The following CLPX variants were observed in gnomAD, a reference collection of about 807,000 sequenced individuals.
CLPX encodes the protein caseinolytic mitochondrial matrix peptidase chaperone subunit X.
In CLPX, 34 loss-of-function variants were observed where a neutral mutation model predicts 76.4. The observed-to-expected ratio is 0.45, with a 90% CI of 0.34 to 0.59. The LOEUF (loss-of-function observed/expected upper bound fraction) is 0.59. Ranked by LOEUF, CLPX falls within the 20% of genes least tolerant of loss-of-function variation. The pLI is 0.01. For synonymous variants in CLPX, 248 were observed against 270.9 expected (o/e 0.92, Z 0.83); for missense variants, 613 against 757.0 (o/e 0.81, Z 2.23).
At chr15:65,183,668 G>A (rs1023593314) in intron 1 of CLPX, among the ~76,000 whole-genome samples, 1 of 151,972 alleles carries the variant, frequency 6.6e-6, no homozygotes, top group Non-Finnish European at 1.5e-5. Flanking sequence ...AAATGTTCAC[G>A]GACTCTTGGC....
In CLPX at chr15:65,179,063, G is replaced by A. The variant is rs534843453; in HGVS notation, c.241-12C>T. The A allele has an allele frequency of 1.9e-6, 3 of 1,542,526 alleles. No individual in the cohort carries two copies. Among genetic ancestry groups the A allele is most frequent in the South Asian group, 2.3e-5 (2 of 88,000 alleles). ...TCACTTGCTGATTTCTAACGTTTAT[G>A]AAGGAGAAAAAAGGAAGAGTGTCAA... On this transcript the variant is annotated splice_polypyrimidine_tract_variant and intron_variant, in intron 2 of 13. Coordinates refer to ENST00000300107, the MANE Select transcript of CLPX (RefSeq NM_006660.5).
intron 12 of CLPX, 94 bp downstream of exon 12, chr15:65,153,453 A>G: frequency 2.6e-6 from 2 of 780,578 alleles, no homozygotes; most frequent in Non-Finnish European, 4.3e-6. Flanking sequence ...CTCAAAATAT[A>G]TATACATATT....
At chr15:65,151,989 G>T (rs2087726803) in intron 13 of CLPX, among the ~76,000 whole-genome samples, 1 of 152,086 alleles carries the variant, frequency 6.6e-6, no homozygotes. Context: ...GAGTGCAGTG[G>T]TGCGATCTTG....
chr15:65,158,318 G>C (rs964017580), intron 7 of CLPX: 1 of 375,792 alleles, frequency 2.7e-6, no homozygotes, highest in Non-Finnish European at 4.7e-6. Flanking sequence ...CACTACATCC[G>C]ATCTATTATT....
intron 3 of CLPX, among the ~76,000 whole-genome samples, chr15:65,167,107 T>C (rs1475492260): frequency 6.6e-6 from 1 of 152,212 alleles, no homozygotes; most frequent in East Asian, 1.9e-4. Context: ...AGTCTCGCTC[T>C]GTTGCCAGGC....
chr15:65,168,306 C>T (rs1329701937), intron 3 of CLPX, among the ~76,000 whole-genome samples: 1 of 127,930 alleles, frequency 7.8e-6, no homozygotes, highest in Non-Finnish European at 1.6e-5. Flanking sequence ...ATGGTATGAA[C>T]CCGGGAGGTG....
intron 7 of CLPX, chr15:65,158,334 G>C (rs2087815404): frequency 7.2e-6 from 3 of 418,068 alleles, no homozygotes; most frequent in Non-Finnish European, 1.3e-5. Context: ...TTATTATTTA[G>C]ATATAGCTGT....
At chr15:65,155,931 A>AATGGGGATTAC (rs2087784614) in intron 9 of CLPX, 75 bp from the exon 10 acceptor site, 1 of 1,281,114 alleles carries the variant, frequency 7.8e-7, no homozygotes, top group Admixed American at 2.1e-5. Context: ...AATAGGATTA[A>AATGGGGATTAC]ATGGGGAAAA....
In CLPX at chr15:65,185,307, C is replaced by G; in HGVS notation, c.-154G>C. On this transcript the variant is annotated 5_prime_UTR_variant, in exon 1 of 14. Transcript: ENST00000300107. ...CACCTGCCCGGCAGCCAGGCCTTCACGCTTCTCTGCCCCACAGCCGTCTAT... is the reference window on the plus strand; with the variant it reads ...CACCTGCCCGGCAGCCAGGCCTTCAGGCTTCTCTGCCCCACAGCCGTCTAT... 1 of 612,960 alleles carries G rather than the reference C, an allele frequency of 1.6e-6. No individual in the cohort carries two copies. Among genetic ancestry groups the G allele is most frequent in the Non-Finnish European group, 2.9e-6 (1 of 345,830 alleles). The allele number at this position is 612,960 out of a possible 1,614,324, so 38.0% of individuals were successfully genotyped here. A position where few individuals can be genotyped will look rare whatever the true frequency, so the allele number is the denominator to read the frequency against.
chr15:65,185,282 C>T lies in CLPX; in HGVS notation c.-129G>A, dbSNP rs2088244642. 1.4e-6 allele frequency: 1 copy of T among 701,994 alleles called. No homozygotes were observed. The highest frequency in any genetic ancestry group is 2.8e-5 in the East Asian group (1 of 35,566). The allele number at this position is 701,994 out of a possible 1,614,324, so 43.5% of individuals were successfully genotyped here. A position where few individuals can be genotyped will look rare whatever the true frequency, so the allele number is the denominator to read the frequency against. Reference sequence around the variant, plus strand: ...CGGGCCCTAGACCCCGTGGAGAGTTCACCTGCCCGGCAGCCAGGCCTTCAC... The same window carrying T: ...CGGGCCCTAGACCCCGTGGAGAGTTTACCTGCCCGGCAGCCAGGCCTTCAC... On this transcript the variant is annotated 5_prime_UTR_variant, in exon 1 of 14. Transcript: ENST00000300107.
intron 6 of CLPX, among the ~76,000 whole-genome samples, chr15:65,161,865 G>A (rs1453630496): frequency 1.4e-5 from 2 of 140,662 alleles, no homozygotes; most frequent in African/African-American, 3.3e-5. Flanking sequence ...TTTATTACAT[G>A]TGATAAATGT....
intron 3 of CLPX, among the ~76,000 whole-genome samples, chr15:65,172,220 T>C (rs1440639327): frequency 6.6e-6 from 1 of 152,098 alleles, no homozygotes; most frequent in Admixed American, 6.6e-5. Flanking sequence ...GCCTTGGCCT[T>C]CCAAACGGCT....
intron 5 of CLPX, 138 bp from the exon 6 acceptor site, chr15:65,162,783 T>A: frequency 3.6e-6 from 2 of 560,684 alleles, no homozygotes; most frequent in South Asian, 2.4e-5. Context: ...ATATGCTATA[T>A]CTTTTCTATA....
At chr15:65,158,549 G>C (rs768733311) in intron 7 of CLPX, 26 bp downstream of exon 7, 2 of 1,580,250 alleles carry the variant, frequency 1.3e-6, no homozygotes, top group East Asian at 2.2e-5. Flanking sequence ...AAAATGAGTA[G>C]TAAATTTTCT....
chr15:65,151,612 CTT>C (rs1412308253), intron 13 of CLPX, among the ~76,000 whole-genome samples: 5 of 152,100 alleles, frequency 3.3e-5, no homozygotes, highest in Non-Finnish European at 7.4e-5. Context: ...TCACATCCGT[CTT>C]GTCTCGAACT....
rs563470181 is a variant in CLPX at position 65,148,894 on chromosome 15, A to C, written c.*1929T>G. On this transcript the variant is annotated 3_prime_UTR_variant, in exon 14 of 14. Transcript: ENST00000300107. The stretch of plus-strand genomic sequence containing the variant: ...TAATATTTATGGAATTAAATGATAC[A>C]ATTTTCATTAAGACCCCAAATATCC... The C allele has an allele frequency of 6.6e-6, 1 of 152,332 alleles. No individual in the cohort carries two copies. Among genetic ancestry groups the C allele is most frequent in the Non-Finnish European group, 1.5e-5 (1 of 68,022 alleles). 9.4% of individuals were successfully genotyped at this position (152,332 alleles called of 1,614,324 possible).
In CLPX at chr15:65,152,453, T is replaced by G. The variant is rs761657714; in HGVS notation, c.1788A>C (p.Gly596=). 4 of 1,555,230 alleles carry G rather than the reference T, an allele frequency of 2.6e-6. No homozygotes were observed. The East Asian group carries it at 9.5e-5, about 37-fold the overall frequency. The change falls in exon 13 of 14, where the codon GGA becomes GGC. Residue 596 remains glycine, a synonymous_variant. Coordinates refer to ENST00000300107, the MANE Select transcript of CLPX (RefSeq NM_006660.5). ...CVEVDKEVVE[G]KKEPGYIRAP... ...ACCGGATGTATCCTGGTTCCTTTTT[T>G]CCTTCTACTACTTCTTTGTCAACCT... is the stretch of plus-strand genomic sequence containing the variant.
At chr15:65,155,212 C>A in intron 10 of CLPX, 131 bp from the exon 11 acceptor site, 2 of 880,264 alleles carry the variant, frequency 2.3e-6, no homozygotes, top group Middle Eastern at 2.8e-4. Flanking sequence ...TTACATTTTA[C>A]AAAGGAAAAA....
Position 65,185,212 on chromosome 15 carries a change from G to T in CLPX, c.-59C>A. On this transcript the variant is annotated 5_prime_UTR_variant, in exon 1 of 14. Transcript: ENST00000300107. Reference sequence around the variant, plus strand: ...GAGGACCTCCGGGTCACAGCGGCGTGAATCCTGCCCGCAAGGCGCGCTGAC... The same window carrying T: ...GAGGACCTCCGGGTCACAGCGGCGTTAATCCTGCCCGCAAGGCGCGCTGAC... 7.0e-7 allele frequency: 1 copy of T among 1,419,030 alleles called. No individual in the cohort carries two copies. Among genetic ancestry groups the T allele is most frequent in the Non-Finnish European group, 9.7e-7 (1 of 1,032,428 alleles). 87.9% of individuals were successfully genotyped at this position (1,419,030 alleles called of 1,614,324 possible).
Sources: gnomAD v4.1 joint callset for allele counts (sites outside exome capture counted in the v4.1 genomes callset) on GRCh38, gnomAD v4.1.1 for gene constraint, MANE v1.5 for transcripts, NCBI Gene and HGNC (gene_info 2026-07-23, HGNC 2026-07-21) for gene names.